The following NAV3 variants were observed in gnomAD, a reference collection of about 807,000 sequenced individuals.
The protein encoded by NAV3 is neuron navigator 3, also known as pore membrane and/or filament interacting like protein 1.
A neutral mutation model predicts 244.7 loss-of-function variants in NAV3; 87 were observed. The observed-to-expected ratio is 0.36, with a 90% CI of 0.30 to 0.42. NAV3 has a LOEUF of 0.42. NAV3 is among the 20% of genes least tolerant of loss of function. The pLI is 1.00. For missense variants in NAV3, 2,663 were observed against 2,893.3 expected, an observed-to-expected ratio of 0.92 and a Z score of 1.83; for synonymous variants, 1,126 against 1,042.2, an observed-to-expected ratio of 1.08 and a Z score of -1.55.
At chr12:77,882,950 G>A (rs1786530746) in intron 1 of NAV3, among the ~76,000 whole-genome samples, 2 of 152,124 alleles carry the variant, frequency 1.3e-5, no homozygotes, top group Non-Finnish European at 1.5e-5. Flanking sequence ...GGCTAGTGAG[G>A]CAGCAGAGAA....
intron 2 of NAV3, among the ~76,000 whole-genome samples, chr12:77,742,576 T>A (rs1172749503): frequency 5.9e-5 from 9 of 152,068 alleles, no homozygotes; most frequent in Non-Finnish European, 1.5e-5. Flanking sequence ...GTCTATTTTA[T>A]CATTTACTAC....
chr12:77,994,147 A>G (rs1168033162), intron 5 of NAV3, among the ~76,000 whole-genome samples: 1 of 152,244 alleles, frequency 6.6e-6, no homozygotes, highest in African/African-American at 2.4e-5. Flanking sequence ...ATGCCCAGAA[A>G]TTGTCATTAG....
At chr12:78,129,903 A>G (rs1044665638) in intron 18 of NAV3, among the ~76,000 whole-genome samples, 1 of 152,198 alleles carries the variant, frequency 6.6e-6, no homozygotes, top group Non-Finnish European at 1.5e-5. Flanking sequence ...CTCCTTTGAC[A>G]TTATATAAAA....
intron 2 of NAV3, among the ~76,000 whole-genome samples, chr12:77,589,615 A>C (rs1031350410): frequency 3.3e-5 from 5 of 152,164 alleles, no homozygotes; most frequent in South Asian, 2.1e-4. Context: ...AAACCATCAG[A>C]TCTCATGAGA....
intron 26 of NAV3, among the ~76,000 whole-genome samples, 195 bp downstream of exon 26, chr12:78,176,654 G>A (rs1487738811): frequency 2.6e-5 from 4 of 152,108 alleles, no homozygotes; most frequent in Non-Finnish European, 5.9e-5. Flanking sequence ...AGCTGTAGGG[G>A]ATACCAATTC....
intron 3 of NAV3, among the ~76,000 whole-genome samples, chr12:77,944,182 T>C (rs1214241192): frequency 1.3e-5 from 2 of 152,090 alleles, no homozygotes; most frequent in Non-Finnish European, 2.9e-5. Context: ...GGAGAGTTGT[T>C]TGAAGGGAAC....
chr12:77,710,417 A>C (rs534086422), intron 2 of NAV3, among the ~76,000 whole-genome samples: 1 of 152,330 alleles, frequency 6.6e-6, no homozygotes, highest in East Asian at 1.9e-4. Context: ...TTGCTGCCTC[A>C]GCAGATTAAA....
At chr12:77,732,928 T>C (rs1055848138) in intron 2 of NAV3, among the ~76,000 whole-genome samples, 6 of 151,894 alleles carry the variant, frequency 4.0e-5, no homozygotes, top group South Asian at 2.1e-4. Context: ...ATGTGGGGAA[T>C]TGGTGGAGGA....
rs1043126840 is a variant in NAV3, at chr12:77,604,494, C to G, written c.72+32228C>G. Among the ~76,000 whole-genome samples, 9 of 151,660 alleles carry G rather than the reference C, an allele frequency of 5.9e-5. No individual in the cohort carries two copies. The South Asian group carries it at 8.3e-4, about 14-fold the overall frequency. ...ACCTAGACCAGGGTCTGGCACAGAG[C>G]AGCCATAAATATTTTATATATAAGT... On this transcript the variant is annotated intron_variant, in intron 2 of 8. Transcript: ENST00000550042.
At position 78,171,328 on chromosome 12, in the gene NAV3, A is replaced by G. The variant is rs562356616; in HGVS notation, c.4981+2462A>G. Among the ~76,000 whole-genome samples, 12 of 151,838 alleles carry G rather than the reference A, an allele frequency of 7.9e-5. 1 individual carries two copies. The highest frequency in any genetic ancestry group is 2.6e-4 in the African/African-American group (11 of 41,518). On this transcript the variant is annotated intron_variant, in intron 24 of 39. Transcript: ENST00000397909. Reference sequence around the variant, plus strand: ...TTTAAAAAGCCTTAATCCTTACTTTAACACAGCACAAGTCACTGAAGTGAA... The same window carrying G: ...TTTAAAAAGCCTTAATCCTTACTTTGACACAGCACAAGTCACTGAAGTGAA...
chr12:78,092,247 T>G (rs1444252389), intron 12 of NAV3, among the ~76,000 whole-genome samples: 1 of 152,130 alleles, frequency 6.6e-6, no homozygotes, highest in African/African-American at 2.4e-5. Flanking sequence ...AATGACATAT[T>G]AAAAACAAAG....
chr12:78,081,875 C>G (rs1593506263), intron 12 of NAV3, among the ~76,000 whole-genome samples: 1 of 152,104 alleles, frequency 6.6e-6, no homozygotes, highest in East Asian at 1.9e-4. Flanking sequence ...TAAACATTCC[C>G]AAAACAAGAC....
At chr12:77,900,798 C>T (rs921427653) in intron 1 of NAV3, among the ~76,000 whole-genome samples, 5 of 152,148 alleles carry the variant, frequency 3.3e-5, no homozygotes, top group Admixed American at 2.0e-4. Context: ...CTCCAAACTG[C>T]TTTCCACGGG....
chr12:77,923,718 T>A (rs1887929224), intron 1 of NAV3, among the ~76,000 whole-genome samples: 1 of 152,128 alleles, frequency 6.6e-6, no homozygotes, highest in Non-Finnish European at 1.5e-5. Flanking sequence ...CAGTGGAAAC[T>A]TGACCAACAA....
intron 2 of NAV3, among the ~76,000 whole-genome samples, chr12:77,740,902 C>G (rs948980762): frequency 1.3e-5 from 2 of 151,838 alleles, no homozygotes; most frequent in African/African-American, 4.8e-5. Context: ...GCCTCTTACA[C>G]CAAGCATGGT....
intron 2 of NAV3, among the ~76,000 whole-genome samples, chr12:77,584,037 C>T (rs919192326): frequency 1.4e-4 from 22 of 152,194 alleles, no homozygotes; most frequent in African/African-American, 5.3e-4. Flanking sequence ...ATTCATGTAT[C>T]CAGTATTACT....
intron 2 of NAV3, among the ~76,000 whole-genome samples, chr12:77,604,861 TAACA>T (rs1424185275): frequency 6.6e-6 from 1 of 152,146 alleles, no homozygotes; most frequent in African/African-American, 2.4e-5. Flanking sequence ...ACTTTTGTGT[TAACA>T]CTACATTGTT....
At position 77,664,770 on chromosome 12, in the gene NAV3, G is replaced by A. The variant is rs192074982; in HGVS notation, c.72+92504G>A. Among the ~76,000 whole-genome samples, 1,518 of 152,158 alleles carry A rather than the reference G, an allele frequency of 1.0e-2. 10 individuals are homozygous for A. Among genetic ancestry groups the A allele is most frequent in the Middle Eastern group, 0.021 (6 of 292 alleles). ...AAAATGAAAGAAACCAAGAAAACCT[G>A]ACCTTCAATTTATTCATATTTGTTC... On this transcript the variant is annotated intron_variant, in intron 2 of 8. Transcript: ENST00000550042.
intron 9 of NAV3, among the ~76,000 whole-genome samples, chr12:78,030,804 A>G (rs1878849837): frequency 6.6e-6 from 1 of 152,246 alleles, no homozygotes; most frequent in South Asian, 2.1e-4. Context: ...ACTTAAAAGA[A>G]GATCAGACAT....
Sources: allele counts gnomAD v4.1 joint callset (sites outside exome capture counted in the v4.1 genomes callset), GRCh38; gene constraint gnomAD v4.1.1; transcripts MANE v1.5; gene names NCBI Gene and HGNC (gene_info 2026-07-23, HGNC 2026-07-21).